Variants in PRELID2 observed in about 807,000 individuals in gnomAD.
The protein encoded by PRELID2 is PRELI domain-containing protein 2.
Under a neutral mutation model 28.4 loss-of-function variants are expected in PRELID2, and 25 were observed. That is an observed-to-expected ratio of 0.88 (90% CI 0.64 to 1.23). The LOEUF (loss-of-function observed/expected upper bound fraction) is 1.23. Among genes scored for constraint, PRELID2 ranks in the 50% most tolerant of loss-of-function variants. The pLI, the probability that PRELID2 is intolerant of heterozygous loss-of-function variation, is 0.00. For missense variants in PRELID2, 201 were observed against 214.4 expected (o/e 0.94, Z 0.39); for synonymous variants, 76 against 71.6 (o/e 1.06, Z -0.31).
At chr5:145,662,024 C>T (rs892036193) in intron 1 of PRELID2, among the ~76,000 whole-genome samples, 1 of 151,932 alleles carries the variant, frequency 6.6e-6, no homozygotes, top group Non-Finnish European at 1.5e-5. Flanking sequence ...GATGAATATA[C>T]AGGATTCTGT....
At chr5:145,425,113 C>G in the PRELID2 span, among the ~76,000 whole-genome samples, 4 of 151,930 alleles carry the variant, frequency 2.6e-5, no homozygotes, top group African/African-American at 4.8e-5. Flanking sequence ...TGAACAGACA[C>G]TTCTCAAAAG....
chr5:145,541,888 T>C (rs1370557421), intron 1 of PRELID2, among the ~76,000 whole-genome samples: 3 of 151,980 alleles, frequency 2.0e-5, no homozygotes, highest in African/African-American at 7.2e-5. Context: ...TATTTATAAG[T>C]AAACAAAAAT....
intron 1 of PRELID2, among the ~76,000 whole-genome samples, chr5:145,650,958 G>T (rs1754286300): frequency 6.6e-6 from 1 of 152,158 alleles, no homozygotes; most frequent in African/African-American, 2.4e-5. Flanking sequence ...GCAGGGCGAG[G>T]CATCGCCTCA....
chr5:145,721,290 T>A (rs1233750404), intron 1 of PRELID2, among the ~76,000 whole-genome samples: 3 of 152,128 alleles, frequency 2.0e-5, no homozygotes, highest in Admixed American at 2.0e-4. Context: ...TCTCACAGAT[T>A]CCATGAAAGC....
intron 1 of PRELID2, among the ~76,000 whole-genome samples, chr5:145,705,563 G>C (rs571815904): frequency 2.0e-5 from 3 of 152,210 alleles, no homozygotes; most frequent in South Asian, 4.1e-4. Context: ...TATTGACATA[G>C]AAAGATGTTT....
the PRELID2 span, among the ~76,000 whole-genome samples, chr5:145,401,109 G>A: frequency 1.3e-5 from 2 of 152,104 alleles, no homozygotes; most frequent in African/African-American, 2.4e-5. Flanking sequence ...GTTGTCACGT[G>A]CTTGAAGGGA....
chr5:145,405,951 C>T, the PRELID2 span, among the ~76,000 whole-genome samples: 1 of 152,054 alleles, frequency 6.6e-6, no homozygotes, highest in African/African-American at 2.4e-5. Context: ...GTGATCCACT[C>T]ACCTCAGCCT....
rs898304096 is a variant in PRELID2, at chr5:145,486,984, C to T, written n.71-13669G>A. 1.2e-4 allele frequency among the ~76,000 whole-genome samples: 18 copies of T among 147,420 alleles called. No homozygotes were observed. The East Asian group carries it at 2.0e-3, about 16-fold the overall frequency. On this transcript the variant is annotated intron_variant and non_coding_transcript_variant, in intron 1 of 2. Coordinates refer to the PRELID2 transcript ENST00000510259. ...GAAATCATCATTCTCAGTAAACTAT[C>T]GCAAGAACAAAAAACCAAACACCGC... is the stretch of plus-strand genomic sequence containing the variant.
intron 1 of PRELID2, among the ~76,000 whole-genome samples, chr5:145,585,334 G>A (rs145668633): frequency 4.3e-4 from 65 of 152,132 alleles, no homozygotes; most frequent in Admixed American, 3.6e-3. Flanking sequence ...GCTAATGGAT[G>A]CTGGGCTTAA....
intron 5 of PRELID2, among the ~76,000 whole-genome samples, chr5:145,772,308 C>T (rs1324648059): frequency 6.6e-6 from 1 of 152,088 alleles, no homozygotes; most frequent in Non-Finnish European, 1.5e-5. Flanking sequence ...AATCCAGGAC[C>T]CTGAATCTTA....
intron 5 of PRELID2, among the ~76,000 whole-genome samples, chr5:145,772,387 T>A (rs1490369025): frequency 6.6e-6 from 1 of 152,218 alleles, no homozygotes; most frequent in Non-Finnish European, 1.5e-5. Context: ...CTGTTGGAAC[T>A]AGTCTGTGTT....
intron 1 of PRELID2, among the ~76,000 whole-genome samples, chr5:145,714,771 C>T (rs528378546): frequency 4.6e-5 from 7 of 152,244 alleles, no homozygotes; most frequent in African/African-American, 1.7e-4. Context: ...AAGCACTTAA[C>T]AGTTAACTCG....
chr5:145,230,027 T>G, the PRELID2 span: 19 of 713,022 alleles, frequency 2.7e-5, no homozygotes, highest in Non-Finnish European at 1.3e-5. Context: ...AATACCATTG[T>G]CTCCAGAGTA....
the PRELID2 span, among the ~76,000 whole-genome samples, chr5:145,286,617 T>A: frequency 6.6e-6 from 1 of 152,160 alleles, no homozygotes; most frequent in Non-Finnish European, 1.5e-5. Context: ...CAGTAAATCT[T>A]TAAGTGCTCT....
the PRELID2 span, among the ~76,000 whole-genome samples, chr5:145,426,986 C>A: frequency 3.9e-5 from 6 of 152,196 alleles, no homozygotes; most frequent in African/African-American, 1.4e-4. Flanking sequence ...TGAGTCAAAT[C>A]TCTGAGTAAC....
intron 1 of PRELID2, among the ~76,000 whole-genome samples, chr5:145,628,477 C>T (rs1327935108): frequency 1.3e-5 from 2 of 152,102 alleles, no homozygotes; most frequent in African/African-American, 2.4e-5. Context: ...GTATATGCCA[C>T]CATGCCTGGC....
the PRELID2 span, among the ~76,000 whole-genome samples, chr5:145,286,701 TGTTTTTTTTTGTTTGTTTGTTTG>T: frequency 3.2e-5 from 4 of 126,296 alleles, no homozygotes; most frequent in African/African-American, 1.3e-4. Flanking sequence ...TAGAAGTTTT[TGTTTTTTTTTGTTTGTTTGTTTG>T]TTTTTTTTTT....
At position 145,757,044 on chromosome 5, in the gene PRELID2, A is replaced by T. The variant is rs900296399; in HGVS notation, c.*3492T>A. On this transcript the variant is annotated 3_prime_UTR_variant, in exon 7 of 7. Coordinates refer to ENST00000683046, the MANE Select transcript of PRELID2 (RefSeq NM_205846.3). ...CAGTAGACTGTGTTTGCAAAAGCAG[A>T]GAAATGTATACTAAATTAAGAAATA... Among the ~76,000 whole-genome samples the T allele has an allele frequency of 2.0e-5, 3 of 152,250 alleles. No homozygotes were observed. The highest frequency in any genetic ancestry group is 7.2e-5 in the African/African-American group (3 of 41,470).
chr5:145,486,222 C>T (rs1206004438), intron 1 of PRELID2, among the ~76,000 whole-genome samples: 1 of 152,150 alleles, frequency 6.6e-6, no homozygotes, highest in Non-Finnish European at 1.5e-5. Context: ...TGCTCATTTC[C>T]ATAAATGTCT....
Sources: allele counts gnomAD v4.1 joint callset (sites outside exome capture counted in the v4.1 genomes callset), GRCh38; gene constraint gnomAD v4.1.1; transcripts MANE v1.5; gene names NCBI Gene and HGNC (gene_info 2026-07-23, HGNC 2026-07-21).